The following MTERF4 variants were observed in gnomAD, a reference collection of about 807,000 sequenced individuals.
MTERF4 encodes transcription termination factor 4, mitochondrial.
Under a neutral mutation model 22.5 loss-of-function variants are expected in MTERF4, and 17 were observed. The ratio of observed to expected loss-of-function variants is 0.75; its 90% CI spans 0.52 to 1.13. The LOEUF is 1.13. Ranked by LOEUF, MTERF4 falls within the 50% of genes most tolerant of loss-of-function variation. The pLI is 0.00. For missense variants in MTERF4, 420 were observed against 466.8 expected (o/e 0.90, Z 0.92); for synonymous variants, 165 against 175.3 (o/e 0.94, Z 0.47).
the MTERF4 span, among the ~76,000 whole-genome samples, chr2:241,047,489 T>G: frequency 1.3e-5 from 2 of 152,324 alleles, no homozygotes; most frequent in East Asian, 3.9e-4. Flanking sequence ...CTTGGCCTAC[T>G]TGGCATTTAT....
chr2:241,073,133 C>T lies in MTERF4; in HGVS notation n.3029G>A. The stretch of plus-strand genomic sequence containing the variant: ...GCTCTGGGGCCGACAGGTGCTGGGG[C>T]CACGCAGGGAGCCTGGTCCCCACCA... On this transcript the variant is annotated non_coding_transcript_exon_variant, in exon 5 of 5. Coordinates refer to the MTERF4 transcript ENST00000464344. The surrounding 1 kb of genome is among the most constrained non-coding windows in gnomAD (Gnocchi z 6.6). The T allele has an allele frequency of 1.5e-6, 1 of 650,002 alleles. No individual in the cohort carries two copies. Among genetic ancestry groups the T allele is most frequent in the Non-Finnish European group, 2.7e-6 (1 of 375,990 alleles). 40.3% of individuals were successfully genotyped at this position (650,002 alleles called of 1,614,324 possible).
At chr2:241,051,844 G>A in the MTERF4 span, 3 of 1,556,470 alleles carry the variant, frequency 1.9e-6, no homozygotes, top group East Asian at 7.1e-5. The surrounding 1 kb of genome is among the most constrained non-coding windows in gnomAD (Gnocchi z 4.7). Flanking sequence ...GCTTCACTGG[G>A]AGGCACTGTG....
the MTERF4 span, chr2:241,049,937 TG>T: frequency 6.2e-7 from 1 of 1,611,544 alleles, no homozygotes; most frequent in Non-Finnish European, 8.5e-7. Flanking sequence ...GAGAAAGGTA[TG>T]GCGGGCAGGG....
At chr2:241,057,914 C>A in the MTERF4 span, among the ~76,000 whole-genome samples, 1 of 151,942 alleles carries the variant, frequency 6.6e-6, no homozygotes, top group South Asian at 2.1e-4. Flanking sequence ...TTGTCACTAT[C>A]CAAAAGGAGA....
downstream of MTERF4, chr2:241,072,036 C>G (rs781728494): frequency 1.4e-6 from 1 of 734,216 alleles, no homozygotes; most frequent in Non-Finnish European, 2.4e-6. Flanking sequence ...GCGCGGGGCT[C>G]GTGGGCCGCC....
downstream of MTERF4, chr2:241,071,693 C>T: frequency 6.6e-7 from 1 of 1,516,622 alleles, no homozygotes. Flanking sequence ...GACCACAGCG[C>T]CCCCGAGACC....
rs557123653 is a variant in MTERF4 at position 241,077,351 on chromosome 2, C to T, written n.480-1669G>A. ...AAAACATAGGAGTAAATCTTCATGA[C>T]CTTCGATCATGAGGGTCCTTAGGCT... is the stretch of plus-strand genomic sequence containing the variant. On this transcript the variant is annotated intron_variant and non_coding_transcript_variant, in intron 4 of 4. Coordinates refer to the MTERF4 transcript ENST00000464344. Among the ~76,000 whole-genome samples, 6 of 152,274 alleles carry T rather than the reference C, an allele frequency of 3.9e-5. No homozygotes were observed. The South Asian group carries it at 1.2e-3, about 32-fold the overall frequency.
At chr2:241,052,150 C>T in the MTERF4 span, 19 of 1,612,870 alleles carry the variant, frequency 1.2e-5, no homozygotes, top group East Asian at 4.5e-5. Flanking sequence ...GGCGGCACTG[C>T]GAGATAGGTA....
the MTERF4 span, among the ~76,000 whole-genome samples, chr2:241,063,058 A>G: frequency 8.5e-5 from 13 of 152,202 alleles, no homozygotes; most frequent in Non-Finnish European, 1.6e-4. Context: ...TCCAAGACAA[A>G]GATTTTACAA....
At chr2:241,060,247 A>G in the MTERF4 span, among the ~76,000 whole-genome samples, 1 of 151,948 alleles carries the variant, frequency 6.6e-6, no homozygotes, top group East Asian at 1.9e-4. Flanking sequence ...CAGTGGCACA[A>G]TCTCGGCTCA....
chr2:241,065,595 C>T, the MTERF4 span: 2 of 1,610,566 alleles, frequency 1.2e-6, no homozygotes. Flanking sequence ...GGCCCGCACG[C>T]GTGAGTGTCC....
At chr2:241,088,644 T>G (rs1035306262), downstream of MTERF4, 1 of 545,030 alleles carries the variant, frequency 1.8e-6, no homozygotes. Context: ...TGAGGCTCTC[T>G]GTGGATAGGG....
At chr2:241,069,692 A>T (rs535773145), downstream of MTERF4, among the ~76,000 whole-genome samples, 5 of 151,964 alleles carry the variant, frequency 3.3e-5, no homozygotes, top group Middle Eastern at 0.01. This position sits in a 1 kb window ranked among gnomAD's most constrained non-coding sequence, Gnocchi z 4.9. Flanking sequence ...CACAGGGTGG[A>T]TCCTAACCCG....
Position 241,096,213 on chromosome 2 carries a change from C to G in MTERF4, c.931G>C (p.Glu311Gln). Residue 311 changes from glutamate to glutamine, a missense_variant, in exon 4 of 4, where the codon GAG becomes CAG. By Grantham distance (29) the Glu-to-Gln change is conservative. Coordinates refer to ENST00000391980, the MANE Select transcript of MTERF4 (RefSeq NM_182501.4). The surrounding 1 kb of genome is among the most constrained non-coding windows in gnomAD (Gnocchi z 5.1). ...FLARTACTSV[E>Q]EFQVFKKLLA... ...AGCTTCTTAAAAACTTGAAACTCCT[C>G]AACAGAAGTACAGGCTGTCCTGGCC... 6.2e-7 allele frequency: 1 copy of G among 1,614,202 alleles called. No individual in the cohort carries two copies. Among genetic ancestry groups the G allele is most frequent in the Non-Finnish European group, 8.5e-7 (1 of 1,180,048 alleles).
At chr2:241,086,066 C>T (rs1364577824), downstream of MTERF4, among the ~76,000 whole-genome samples, 1 of 151,992 alleles carries the variant, frequency 6.6e-6, no homozygotes, top group African/African-American at 2.4e-5. Context: ...AGGGTTTCAC[C>T]ATGTTGGCCA....
downstream of MTERF4, chr2:241,090,129 C>A: frequency 6.7e-7 from 1 of 1,482,094 alleles, no homozygotes; most frequent in Non-Finnish European, 9.0e-7. Context: ...TTTTTAATAA[C>A]AGCTTAAAAT....
Position 241,073,421 on chromosome 2 carries a change from T to G in MTERF4, n.2741A>C. ...ACTGACTGACTGCTCTCAGGGGCCT[T>G]AGAGGCTGCAGGCAGGAGGGACCAC... On this transcript the variant is annotated non_coding_transcript_exon_variant, in exon 5 of 5. Coordinates refer to the MTERF4 transcript ENST00000464344. This position sits in a 1 kb window ranked among gnomAD's most constrained non-coding sequence, Gnocchi z 6.6. 1 of 1,420,654 alleles carries G rather than the reference T, an allele frequency of 7.0e-7. No individual in the cohort carries two copies. The highest frequency in any genetic ancestry group is 9.7e-7 in the Non-Finnish European group (1 of 1,028,256). 88.0% of individuals were successfully genotyped at this position (1,420,654 alleles called of 1,614,324 possible). A position where few individuals can be genotyped will look rare whatever the true frequency, so the allele number is the denominator to read the frequency against.
At chr2:241,079,275 A>G (rs1337749188) in intron 4 of MTERF4, among the ~76,000 whole-genome samples, 2 of 143,962 alleles carry the variant, frequency 1.4e-5, no homozygotes, top group African/African-American at 2.6e-5. Context: ...AGCCGGGCGC[A>G]GTGGCAGGCG....
intron 4 of MTERF4, among the ~76,000 whole-genome samples, chr2:241,076,567 A>C (rs529565799): frequency 2.6e-5 from 4 of 152,154 alleles, no homozygotes; most frequent in Non-Finnish European, 5.9e-5. Flanking sequence ...TTAAAGATTA[A>C]TTGTTTGCCT....
Sources: allele counts gnomAD v4.1 joint callset (sites outside exome capture counted in the v4.1 genomes callset), GRCh38; gene constraint gnomAD v4.1.1; non-coding constraint Gnocchi (gnomAD v3.1); transcripts MANE v1.5; gene names NCBI Gene and HGNC (gene_info 2026-07-23, HGNC 2026-07-21).